Variants in CACNA2D4 observed in about 807,000 individuals in gnomAD.
The protein encoded by CACNA2D4 is voltage-dependent calcium channel subunit alpha-2/delta-4.
Under a neutral mutation model 163.8 loss-of-function variants are expected in CACNA2D4, and 157 were observed. That is an observed-to-expected ratio of 0.96 (90% confidence interval 0.84 to 1.09). CACNA2D4 has a LOEUF of 1.09. Among genes scored for constraint, CACNA2D4 ranks in the 50% least tolerant of loss-of-function variants. The pLI is 0.00. For missense variants in CACNA2D4, 1,410 were observed against 1,479.9 expected, an observed-to-expected ratio of 0.95 and a Z score of 0.78; for synonymous variants, 598 against 586.9, an observed-to-expected ratio of 1.02 and a Z score of -0.27.
In CACNA2D4 at chr12:1,911,844, A is replaced by G. The variant is rs7310943; in HGVS notation, c.426+1179T>C. The stretch of plus-strand genomic sequence containing the variant: ...TTGATCCAAGGAGGCTGTTTACACA[A>G]CGCTCACTGATTGAAAGAGGCAGGT... On this transcript the variant is annotated intron_variant, in intron 3 of 37. Coordinates refer to ENST00000382722, the MANE Select transcript of CACNA2D4 (RefSeq NM_172364.5). 6.9e-3 allele frequency among the ~76,000 whole-genome samples: 1,047 copies of G among 152,252 alleles called. 16 individuals are homozygous for G. Among genetic ancestry groups the G allele is most frequent in the African/African-American group, 0.024 (995 of 41,540 alleles).
intron 6 of CACNA2D4, among the ~76,000 whole-genome samples, chr12:1,898,778 A>T (rs1315668320): frequency 6.6e-6 from 1 of 152,108 alleles, no homozygotes; most frequent in South Asian, 2.1e-4. Context: ...GACATATGCT[A>T]CAACATGGAT....
intron 6 of CACNA2D4, 22 bp from the exon 7 acceptor site, chr12:1,887,091 CTTT>C (rs1866166947): frequency 1.4e-5 from 22 of 1,542,474 alleles, no homozygotes; most frequent in Non-Finnish European, 1.9e-5. Context: ...AAGACTCGTT[CTTT>C]TACTAGCTTG....
Position 1,793,596 on chromosome 12 carries a change from CT to C in CACNA2D4, c.*58del. 1 of 1,496,160 alleles carries C rather than the reference CT, an allele frequency of 6.7e-7. No individual in the cohort carries two copies. The highest frequency in any genetic ancestry group is 2.3e-5 in the East Asian group (1 of 44,340). 92.7% of individuals were successfully genotyped at this position (1,496,160 alleles called of 1,614,324 possible). On this transcript the variant is annotated 3_prime_UTR_variant, in exon 38 of 38. Coordinates refer to ENST00000382722, the MANE Select transcript of CACNA2D4 (RefSeq NM_172364.5). ...TAGCTGCATCCCATGTCAGTGCTGA[CT>C]TTTTGGGATGGCTCTGGAAGGATCA...
intron 23 of CACNA2D4, among the ~76,000 whole-genome samples, chr12:1,853,731 T>A (rs1865338777): frequency 6.6e-6 from 1 of 152,178 alleles, no homozygotes; most frequent in Admixed American, 6.5e-5. Context: ...GCCATTGAAG[T>A]CTCATGGCTG....
chr12:1,879,000 C>A lies in CACNA2D4; in HGVS notation c.1600G>T (p.Asp534Tyr), dbSNP rs764192200. The change falls in exon 15 of 38, where the codon GAT becomes TAT. Residue 534 changes from aspartate (D) to tyrosine (Y), a missense_variant. Asp to Tyr is a radical substitution (Grantham distance 160). Transcript: ENST00000382722. The surrounding 1 kb of genome is among the most constrained non-coding windows in gnomAD (Gnocchi z 4.6). ...HGILLGVVGS[D>Y]VALRELMKLA... ...TTCATCAGCTCTCTCAGGGCCACATCTGAGCCCACCACACCCAGGAGAATG... is the reference window on the plus strand; with the variant it reads ...TTCATCAGCTCTCTCAGGGCCACATATGAGCCCACCACACCCAGGAGAATG... 3 of 1,613,900 alleles carry A rather than the reference C, an allele frequency of 1.9e-6. No homozygotes were observed. The highest frequency in any genetic ancestry group is 1.7e-6 in the Non-Finnish European group (2 of 1,179,874).
In CACNA2D4 at chr12:1,828,228, C is replaced by T; in HGVS notation, c.2551+12511G>A. ...AGGCAAGTCTCCTGTGAGTACACCC[C>T]TGGCCTCGGAGGGGGGTGCGGGTTG... is the stretch of plus-strand genomic sequence containing the variant. On this transcript the variant is annotated intron_variant, in intron 26 of 37. Coordinates refer to ENST00000382722, the MANE Select transcript of CACNA2D4 (RefSeq NM_172364.5). This position sits in a 1 kb window ranked among gnomAD's most constrained non-coding sequence, Gnocchi z 4.2. 6.5e-7 allele frequency: 1 copy of T among 1,537,276 alleles called. No individual in the cohort carries two copies. Among genetic ancestry groups the T allele is most frequent in the South Asian group, 1.2e-5 (1 of 82,754 alleles).
intron 3 of CACNA2D4, among the ~76,000 whole-genome samples, chr12:1,911,327 C>A (rs11062019): frequency 6.6e-6 from 1 of 151,348 alleles, no homozygotes; most frequent in Non-Finnish European, 1.5e-5. Context: ...ATTTTTTTTT[C>A]TTTTTTTCTA....
intron 6 of CACNA2D4, among the ~76,000 whole-genome samples, chr12:1,898,691 G>T (rs145095212): frequency 0.013 from 1,926 of 152,198 alleles, 46 homozygotes; most frequent in East Asian, 0.047. Flanking sequence ...GTGTGTGTGT[G>T]TGTGTGTGTA....
rs1320254115 is a variant in CACNA2D4 at position 1,911,588 on chromosome 12, C to T, written c.426+1435G>A. ...GGGAGGCTTTGCAGGAAACTTCCCA[C>T]GCGCACCCTCATGGAAGGTCTGAGG... On this transcript the variant is annotated intron_variant, in intron 3 of 37. Transcript: ENST00000382722. 3.3e-5 allele frequency among the ~76,000 whole-genome samples: 5 copies of T among 152,178 alleles called. No individual in the cohort carries two copies. In the South Asian group the frequency reaches 6.2e-4, roughly 19 times the overall value.
intron 29 of CACNA2D4, among the ~76,000 whole-genome samples, chr12:1,809,198 C>T (rs770020851): frequency 6.6e-6 from 1 of 152,238 alleles, no homozygotes; most frequent in Admixed American, 6.5e-5. Context: ...CCTGTTCCGA[C>T]GACTTCTTTG....
chr12:1,893,875 A>T (rs1051494957), intron 6 of CACNA2D4, among the ~76,000 whole-genome samples: 20 of 152,164 alleles, frequency 1.3e-4, no homozygotes, highest in African/African-American at 4.8e-4. Context: ...ACCAAACCTA[A>T]AATTAGTGAA....
chr12:1,800,230 G>A (rs1229919260), intron 32 of CACNA2D4, 156 bp downstream of exon 32: 1 of 949,608 alleles, frequency 1.1e-6, no homozygotes, highest in East Asian at 2.6e-5. Context: ...ATGCAGGGAA[G>A]AGGTGGCGTC....
intron 37 of CACNA2D4, 169 bp downstream of exon 37, chr12:1,795,130 T>C (rs781600486): frequency 4.9e-5 from 30 of 610,888 alleles, no homozygotes; most frequent in South Asian, 9.8e-5. Context: ...CTGTTTCTTA[T>C]TATATCACAG....
Position 1,907,978 on chromosome 12 carries a change from C to A in CACNA2D4, c.546G>T (p.Glu182Asp). ...ACTCCAGGAGGAACTCGGCGCCCAG[C>A]TCCACGAAGTTGCCCTTCTCGTCCC... Reference protein sequence around the residue: ...NERDEKGNFVELGAEFLLESN... With the variant: ...NERDEKGNFVDLGAEFLLESN... Residue 182 changes from glutamate (E) to aspartate (D), a missense_variant, in exon 5 of 38, where the codon GAG (glutamate) becomes GAT (aspartate). Transcript: ENST00000382722. 3 of 1,614,024 alleles carry A rather than the reference C, an allele frequency of 1.9e-6. No individual in the cohort carries two copies. The highest frequency in any genetic ancestry group is 2.5e-6 in the Non-Finnish European group (3 of 1,179,872).
In CACNA2D4 at chr12:1,844,578, C is replaced by T. The variant is rs1331987560; in HGVS notation, c.2343-49G>A. On this transcript the variant is annotated intron_variant, in intron 24 of 37. Coordinates refer to ENST00000382722, the MANE Select transcript of CACNA2D4 (RefSeq NM_172364.5). This position sits in a 1 kb window ranked among gnomAD's most constrained non-coding sequence, Gnocchi z 4.2. ...CTCTCCCCAGATCTGTGAACACAGTCATCACTCTTTCCTTTTCTCACACAA... is the reference window on the plus strand; with the variant it reads ...CTCTCCCCAGATCTGTGAACACAGTTATCACTCTTTCCTTTTCTCACACAA... 3 of 1,582,372 alleles carry T rather than the reference C, an allele frequency of 1.9e-6. No individual in the cohort carries two copies. The highest frequency in any genetic ancestry group is 2.3e-5 in the East Asian group (1 of 44,292).
intron 6 of CACNA2D4, among the ~76,000 whole-genome samples, chr12:1,906,281 C>G (rs1157067693): frequency 1.3e-5 from 2 of 151,906 alleles, no homozygotes; most frequent in East Asian, 3.9e-4. Context: ...GGGTATGACA[C>G]CAAAGGCAAA....
rs1183241888 is a variant in CACNA2D4 at position 1,843,164 on chromosome 12, C to T, written c.2470+1238G>A. Among the ~76,000 whole-genome samples, 2 of 152,158 alleles carry T rather than the reference C, an allele frequency of 1.3e-5. No individual in the cohort carries two copies. Among genetic ancestry groups the T allele is most frequent in the African/African-American group, 4.8e-5 (2 of 41,446 alleles). On this transcript the variant is annotated intron_variant, in intron 25 of 37. Coordinates refer to ENST00000382722, the MANE Select transcript of CACNA2D4 (RefSeq NM_172364.5). The surrounding 1 kb of genome is among the most constrained non-coding windows in gnomAD (Gnocchi z 4.6). ...GTTATTTGCACGTGTGTGGAGGGAA[C>T]AGCACAGGTGGGAGTAGGGGCATAG...
intron 26 of CACNA2D4, among the ~76,000 whole-genome samples, chr12:1,815,604 G>A (rs1051658744): frequency 6.6e-6 from 1 of 151,372 alleles, no homozygotes; most frequent in Non-Finnish European, 1.5e-5. Context: ...ACCTAGAATC[G>A]TACCTATCAC....
At chr12:1,847,866 A>AT (rs992281591) in intron 23 of CACNA2D4, among the ~76,000 whole-genome samples, 76 of 29,612 alleles carry the variant, frequency 2.6e-3, no homozygotes, top group African/African-American at 7.8e-3. Context: ...TAGAAATAAC[A>AT]TTTAAAAAAA....
Sources: allele counts gnomAD v4.1 joint callset (sites outside exome capture counted in the v4.1 genomes callset), GRCh38; gene constraint gnomAD v4.1.1; non-coding constraint Gnocchi (gnomAD v3.1); transcripts MANE v1.5; gene names NCBI Gene and HGNC (gene_info 2026-07-23, HGNC 2026-07-21).